The following TBC1D1 variants were observed in gnomAD, a reference collection of about 807,000 sequenced individuals.
TBC1D1 encodes the protein TBC1 domain family member 1.
Under a neutral mutation model 125.6 loss-of-function variants are expected in TBC1D1, and 89 were observed. That is an observed-to-expected ratio of 0.71 (90% CI 0.60 to 0.85). The LOEUF (loss-of-function observed/expected upper bound fraction) is 0.85. Among genes scored for constraint, TBC1D1 ranks in the 40% least tolerant of loss-of-function variants. The pLI, the probability that TBC1D1 is intolerant of heterozygous loss-of-function variation, is 0.00. For synonymous variants in TBC1D1, 565 were observed against 564.1 expected (o/e 1.00, Z -0.02); for missense variants, 1,377 against 1,469.2 (o/e 0.94, Z 1.03).
intron 12 of TBC1D1, among the ~76,000 whole-genome samples, chr4:38,083,557 G>A (rs1756941204): frequency 6.6e-6 from 1 of 152,206 alleles, no homozygotes; most frequent in Non-Finnish European, 1.5e-5. Context: ...TTTACTGTGT[G>A]CAGGCTTGTT....
chr4:37,906,150 C>T (rs1260026050), intron 2 of TBC1D1, among the ~76,000 whole-genome samples: 1 of 146,336 alleles, frequency 6.8e-6, no homozygotes, highest in African/African-American at 2.8e-5. Context: ...CCTTCTTTTT[C>T]TTTTCCCCCC....
At chr4:38,058,608 T>A (rs1487722356) in intron 12 of TBC1D1, among the ~76,000 whole-genome samples, 1 of 152,194 alleles carries the variant, frequency 6.6e-6, no homozygotes, top group Non-Finnish European at 1.5e-5. Flanking sequence ...ACTGCCTGTT[T>A]TACATTTATA....
At chr4:37,931,125 T>G (rs1723164782) in intron 2 of TBC1D1, among the ~76,000 whole-genome samples, 1 of 138,666 alleles carries the variant, frequency 7.2e-6, no homozygotes, top group East Asian at 2.3e-4. Flanking sequence ...TTGTTTGAGA[T>G]GGAGTCTCAC....
chr4:38,088,975 C>G (rs930560611), intron 12 of TBC1D1, among the ~76,000 whole-genome samples: 1 of 152,122 alleles, frequency 6.6e-6, no homozygotes, highest in Non-Finnish European at 1.5e-5. Context: ...ACAGTAACAT[C>G]CTCCTATAAT....
At position 37,997,334 on chromosome 4, in the gene TBC1D1, G is replaced by A. The variant is rs185762055; in HGVS notation, c.418-17175G>A. Among the ~76,000 whole-genome samples, 255 of 152,292 alleles carry A rather than the reference G, an allele frequency of 1.7e-3. 1 individual carries two copies. The highest frequency in any genetic ancestry group is 5.4e-3 in the South Asian group (26 of 4,832). On this transcript the variant is annotated intron_variant, in intron 2 of 19. Coordinates refer to ENST00000261439, the MANE Select transcript of TBC1D1 (RefSeq NM_015173.4). ...GTTTTTGGTTTCTGGGGTTTATTTGGAAGTTTGTTTTTGTACTGTATTGTG... is the reference window on the plus strand; with the variant it reads ...GTTTTTGGTTTCTGGGGTTTATTTGAAAGTTTGTTTTTGTACTGTATTGTG...
chr4:38,117,807 C>A (rs1222792496), intron 16 of TBC1D1, among the ~76,000 whole-genome samples: 1 of 152,136 alleles, frequency 6.6e-6, no homozygotes, highest in African/African-American at 2.4e-5. Flanking sequence ...AGTAGAAGAC[C>A]CAGCGTTAGC....
chr4:38,088,803 G>T (rs1450643868), intron 12 of TBC1D1, among the ~76,000 whole-genome samples: 1 of 152,166 alleles, frequency 6.6e-6, no homozygotes, highest in Admixed American at 6.5e-5. Context: ...ACTTGTTAAA[G>T]ATCACAAAAT....
rs963255442 is a variant in TBC1D1 at position 38,042,698 on chromosome 4, G to A, written c.1414-1664G>A. Among the ~76,000 whole-genome samples the A allele has an allele frequency of 1.4e-4, 22 of 152,320 alleles. No homozygotes were observed. The South Asian group carries it at 1.5e-3, about 10-fold the overall frequency. On this transcript the variant is annotated intron_variant, in intron 8 of 19. Transcript: ENST00000261439. ...AGTCTGGCCAAGACCACAGAGCCAG[G>A]GAATAGCAGAGGAACATTTCACCTG...
chr4:37,934,314 C>T (rs1043921223), intron 2 of TBC1D1, among the ~76,000 whole-genome samples: 4 of 152,150 alleles, frequency 2.6e-5, no homozygotes, highest in Admixed American at 6.5e-5. Flanking sequence ...TGCAGGGCGT[C>T]CCAGAGGCTG....
At chr4:38,051,976 A>G (rs1192796765) in intron 11 of TBC1D1, 2 of 1,550,550 alleles carry the variant, frequency 1.3e-6, no homozygotes, top group Non-Finnish European at 1.7e-6. Context: ...CCTCGTCTTA[A>G]CCCCTCCGCC....
In TBC1D1 at chr4:37,931,486, C is replaced by CT. The variant is rs950633340; in HGVS notation, c.417+28983dup. Among the ~76,000 whole-genome samples the CT allele has an allele frequency of 1.8e-4, 27 of 151,134 alleles. No individual in the cohort carries two copies. In the East Asian group the frequency reaches 2.1e-3, roughly 12 times the overall value. ...CACCGTTCCCTGACCTTTTTCCACT[C>CT]TTTTTTTTTGAGACGGACTCTTGCT... On this transcript the variant is annotated intron_variant, in intron 2 of 19. Transcript: ENST00000261439.
At chr4:37,893,027 C>T (rs562381619) in intron 1 of TBC1D1, among the ~76,000 whole-genome samples, 1 of 152,230 alleles carries the variant, frequency 6.6e-6, no homozygotes, top group South Asian at 2.1e-4. Context: ...AGGATGTAAC[C>T]CTGGCAAGCA....
chr4:37,927,313 A>G (rs965679689), intron 2 of TBC1D1, among the ~76,000 whole-genome samples: 23 of 152,050 alleles, frequency 1.5e-4, no homozygotes, highest in African/African-American at 5.3e-4. Context: ...CTACAAAAGG[A>G]GATTTTACAA....
chr4:38,084,844 CTCGTT>C (rs1553933997), intron 12 of TBC1D1, among the ~76,000 whole-genome samples: 2 of 151,998 alleles, frequency 1.3e-5, no homozygotes, highest in Non-Finnish European at 2.9e-5. Context: ...GATCTGTCTA[CTCGTT>C]TCCTTCTAGA....
At chr4:38,075,296 A>G (rs1480048916) in intron 12 of TBC1D1, among the ~76,000 whole-genome samples, 1 of 152,168 alleles carries the variant, frequency 6.6e-6, no homozygotes. Context: ...GTCTGTTTTC[A>G]TTTTCTACTA....
intron 12 of TBC1D1, among the ~76,000 whole-genome samples, chr4:38,088,345 A>G (rs895675810): frequency 3.9e-5 from 6 of 152,236 alleles, no homozygotes; most frequent in African/African-American, 1.4e-4. Flanking sequence ...TAATTAGAAT[A>G]GATTTGCATT....
At chr4:37,895,028 G>A (rs1053697135) in intron 1 of TBC1D1, among the ~76,000 whole-genome samples, 1 of 152,192 alleles carries the variant, frequency 6.6e-6, no homozygotes, top group African/African-American at 2.4e-5. Context: ...TCCATGAAGT[G>A]GTAGGTGGTC....
chr4:37,916,863 C>T lies in TBC1D1; in HGVS notation c.417+14351C>T, dbSNP rs536832428. 5.3e-4 allele frequency among the ~76,000 whole-genome samples: 81 copies of T among 152,152 alleles called. 1 individual carries two copies. The highest frequency in any genetic ancestry group is 9.9e-4 in the Non-Finnish European group (67 of 67,986). ...TCTGCACACTGCAACCCCTGCTTCC[C>T]GGGGTCAAGATATTCTCCAGCCTCC... On this transcript the variant is annotated intron_variant, in intron 2 of 19. Transcript: ENST00000261439.
At chr4:38,025,247 C>CT (rs1309018464) in intron 6 of TBC1D1, among the ~76,000 whole-genome samples, 2 of 152,364 alleles carry the variant, frequency 1.3e-5, no homozygotes, top group East Asian at 3.8e-4. Context: ...TGGAAACTCT[C>CT]TTGATGCTGG....
Sources: gnomAD v4.1 joint callset for allele counts (sites outside exome capture counted in the v4.1 genomes callset) on GRCh38, gnomAD v4.1.1 for gene constraint, MANE v1.5 for transcripts, NCBI Gene and HGNC (gene_info 2026-07-23, HGNC 2026-07-21) for gene names.